CALCRL: variants seen among roughly 807,000 people sequenced by gnomAD.
CALCRL encodes the protein calcitonin gene-related peptide type 1 receptor.
CALCRL carries 27 observed loss-of-function variants against 60.4 expected under a neutral mutation model. That is an observed-to-expected ratio of 0.45 (90% confidence interval 0.33 to 0.62). The LOEUF (loss-of-function observed/expected upper bound fraction) is 0.62, where lower values mean the gene tolerates loss of function less well. Ranked by LOEUF, CALCRL falls within the 20% of genes least tolerant of loss-of-function variation. The pLI, the probability that CALCRL is intolerant of heterozygous loss-of-function variation, is 0.03. For synonymous variants in CALCRL, 190 were observed against 182.6 expected, an observed-to-expected ratio of 1.04 and a Z score of -0.33; for missense variants, 424 against 540.7, an observed-to-expected ratio of 0.78 and a Z score of 2.14.
At chr2:187,401,510 A>G (rs1311809096) in intron 1 of CALCRL, among the ~76,000 whole-genome samples, 1 of 151,640 alleles carries the variant, frequency 6.6e-6, no homozygotes, top group East Asian at 1.9e-4. Context: ...TTCATGCACA[A>G]AATATTGTCT....
chr2:187,386,989 G>A (rs371084570), intron 3 of CALCRL, among the ~76,000 whole-genome samples: 2 of 152,154 alleles, frequency 1.3e-5, no homozygotes, highest in Non-Finnish European at 2.9e-5. Context: ...AACTGTAAGT[G>A]CATTAAACCT....
At chr2:187,404,869 T>C (rs1182801255) in intron 1 of CALCRL, among the ~76,000 whole-genome samples, 1 of 151,298 alleles carries the variant, frequency 6.6e-6, no homozygotes, top group Non-Finnish European at 1.5e-5. Context: ...CAATGAAAAA[T>C]AATAGCAGTA....
At chr2:187,416,355 A>T (rs970367204) in intron 1 of CALCRL, among the ~76,000 whole-genome samples, 2 of 152,178 alleles carry the variant, frequency 1.3e-5, no homozygotes, top group African/African-American at 4.8e-5. Flanking sequence ...ATACAGAGTT[A>T]CCACGTCATA....
At chr2:187,348,001 A>T (rs924774363) in intron 14 of CALCRL, among the ~76,000 whole-genome samples, 7 of 151,746 alleles carry the variant, frequency 4.6e-5, no homozygotes, top group Admixed American at 6.6e-5. Context: ...AATTTAAAAA[A>T]TATATGGTAA....
chr2:187,401,962 AGAAG>A (rs1688905502), intron 1 of CALCRL, among the ~76,000 whole-genome samples: 1 of 151,424 alleles, frequency 6.6e-6, no homozygotes, highest in Non-Finnish European at 1.5e-5. Context: ...GAAGAAAGGA[AGAAG>A]GGAAGGAAGG....
chr2:187,428,463 A>G (rs1690247690), intron 1 of CALCRL: 1 of 152,220 alleles, frequency 6.6e-6, no homozygotes, highest in South Asian at 2.1e-4. Context: ...TATGACCTAC[A>G]AGTCATTAAT....
chr2:187,356,269 C>T (rs1489230504), intron 12 of CALCRL, among the ~76,000 whole-genome samples: 2 of 152,310 alleles, frequency 1.3e-5, no homozygotes, highest in South Asian at 2.1e-4. Flanking sequence ...TACAAGGCCA[C>T]ATTAGCCAAA....
intron 14 of CALCRL, 91 bp downstream of exon 14, chr2:187,351,829 G>A: frequency 2.5e-6 from 2 of 791,938 alleles, no homozygotes; most frequent in South Asian, 1.9e-5. Context: ...TTGTTCCTGG[G>A]GAATTTATAA....
chr2:187,367,085 GA>G (rs1687331466), intron 8 of CALCRL, among the ~76,000 whole-genome samples: 1 of 151,996 alleles, frequency 6.6e-6, no homozygotes, highest in African/African-American at 2.4e-5. Context: ...GAAATTTACT[GA>G]ATGTTTAATA....
intron 1 of CALCRL, among the ~76,000 whole-genome samples, chr2:187,403,450 G>A (rs991661733): frequency 9.2e-5 from 14 of 151,874 alleles, no homozygotes; most frequent in African/African-American, 3.1e-4. Flanking sequence ...GAAGTTTCAC[G>A]CCCATCGTCA....
chr2:187,421,133 C>T (rs539671146), intron 1 of CALCRL, among the ~76,000 whole-genome samples: 1 of 152,272 alleles, frequency 6.6e-6, no homozygotes. Context: ...TATCACATAT[C>T]TTCTTATTGC....
chr2:187,373,570 A>G (rs534133883), intron 8 of CALCRL, among the ~76,000 whole-genome samples: 5 of 152,236 alleles, frequency 3.3e-5, no homozygotes, highest in Admixed American at 6.5e-5. Context: ...TCTTAATGGT[A>G]TAACATACCT....
intron 1 of CALCRL, among the ~76,000 whole-genome samples, chr2:187,433,177 G>A (rs571301816): frequency 1.3e-3 from 201 of 152,118 alleles, no homozygotes; most frequent in African/African-American, 4.5e-3. Context: ...AATTTACCAG[G>A]TTCAAAGTTG....
At position 187,359,248 on chromosome 2, in the gene CALCRL, A is replaced by G. The variant is rs1686940043; in HGVS notation, c.806T>C (p.Ile269Thr). ...GWGFPLIPAC[I>T]HAIARSLYYN... ...ATATAAGCTTCTAGCAATGGCATGTATACAAGCAGGAATCAGTGGAAATCC... is the reference window on the plus strand; with the variant it reads ...ATATAAGCTTCTAGCAATGGCATGTGTACAAGCAGGAATCAGTGGAAATCC... Residue 269 changes from isoleucine to threonine, a missense_variant, in exon 11 of 15, where the codon ATA becomes ACA. Ile to Thr is a moderately conservative substitution (Grantham distance 89). Coordinates refer to ENST00000392370, the MANE Select transcript of CALCRL (RefSeq NM_005795.6). The G allele has an allele frequency of 6.3e-7, 1 of 1,578,862 alleles. No individual in the cohort carries two copies. The highest frequency in any genetic ancestry group is 8.6e-7 in the Non-Finnish European group (1 of 1,162,230).
intron 1 of CALCRL, among the ~76,000 whole-genome samples, chr2:187,415,986 C>T (rs960340912): frequency 2.0e-5 from 3 of 152,074 alleles, no homozygotes; most frequent in Non-Finnish European, 2.9e-5. Flanking sequence ...CCCCTGAAGA[C>T]GGAGGGGCCT....
chr2:187,388,317 G>A (rs1344101892), intron 1 of CALCRL, among the ~76,000 whole-genome samples: 1 of 151,302 alleles, frequency 6.6e-6, no homozygotes, highest in Non-Finnish European at 1.5e-5. Flanking sequence ...TTATTTTTTT[G>A]TACACATTTT....
chr2:187,424,846 A>G (rs961181090), intron 1 of CALCRL, among the ~76,000 whole-genome samples: 2 of 152,048 alleles, frequency 1.3e-5, no homozygotes, highest in Non-Finnish European at 2.9e-5. Context: ...CCCATAAAAT[A>G]TAACTAACAT....
At chr2:187,364,352 A>G (rs1687187359) in intron 8 of CALCRL, among the ~76,000 whole-genome samples, 1 of 152,136 alleles carries the variant, frequency 6.6e-6, no homozygotes, top group Admixed American at 6.6e-5. Flanking sequence ...AAGTTTTAAA[A>G]TAGTAGTATG....
chr2:187,429,432 C>T (rs1295567308), intron 1 of CALCRL, among the ~76,000 whole-genome samples: 2 of 152,160 alleles, frequency 1.3e-5, no homozygotes, highest in Non-Finnish European at 2.9e-5. Context: ...AAAATCTTCT[C>T]AGTTTAGAGA....
Sources: allele counts gnomAD v4.1 joint callset (sites outside exome capture counted in the v4.1 genomes callset), GRCh38; gene constraint gnomAD v4.1.1; transcripts MANE v1.5; gene names NCBI Gene and HGNC (gene_info 2026-07-23, HGNC 2026-07-21).